Variants in PLA2G4C observed in about 807,000 individuals in gnomAD.
The protein encoded by PLA2G4C is cytosolic phospholipase A2 gamma.
In PLA2G4C, 64 loss-of-function variants were observed where a neutral mutation model predicts 73.8. That is an observed-to-expected ratio of 0.87 (90% confidence interval 0.71 to 1.07). PLA2G4C has a LOEUF of 1.07. Ranked by LOEUF, PLA2G4C falls within the 50% of genes least tolerant of loss-of-function variation. The pLI, the probability that PLA2G4C is intolerant of heterozygous loss-of-function variation, is 0.00. For synonymous variants in PLA2G4C, 254 were observed against 252.1 expected (o/e 1.01, Z -0.07); for missense variants, 622 against 665.4 (o/e 0.93, Z 0.72).
At chr19:48,059,037 C>T (rs1463103889) in intron 14 of PLA2G4C, among the ~76,000 whole-genome samples, 2 of 151,890 alleles carry the variant, frequency 1.3e-5, no homozygotes, top group Admixed American at 6.6e-5. Context: ...CTTTGGGAGG[C>T]CGAGGCGGGC....
Position 48,052,992 on chromosome 19 carries a change from C to T in PLA2G4C, c.1580+5G>A, listed in dbSNP as rs367872005. 2.7e-5 allele frequency: 43 copies of T among 1,604,804 alleles called. No individual in the cohort carries two copies. The African/African-American group carries it at 5.6e-4, about 21-fold the overall frequency. On this transcript the variant is annotated splice_donor_5th_base_variant and intron_variant, in intron 16 of 16. Coordinates refer to ENST00000599921, the MANE Select transcript of PLA2G4C (RefSeq NM_003706.3). ...GCATCAGAGCGACTATGGTCTCCCA[C>T]CTACCCGGCCACGTTCATCAACTCT...
Position 48,102,916 on chromosome 19 carries a change from C to T in PLA2G4C, c.257+1672G>A, listed in dbSNP as rs368254733. Among the ~76,000 whole-genome samples the T allele has an allele frequency of 4.6e-5, 7 of 152,340 alleles. No homozygotes were observed. The East Asian group carries it at 7.7e-4, about 17-fold the overall frequency. On this transcript the variant is annotated intron_variant, in intron 4 of 16. Coordinates refer to ENST00000599921, the MANE Select transcript of PLA2G4C (RefSeq NM_003706.3). ...ACACACATCCTTTCCCAGTCTTCAT[C>T]GTCCACACTTACAATGCTCAACAGC... is the stretch of plus-strand genomic sequence containing the variant.
intron 11 of PLA2G4C, among the ~76,000 whole-genome samples, chr19:48,076,318 C>A (rs1014573220): frequency 2.0e-5 from 3 of 152,190 alleles, no homozygotes; most frequent in African/African-American, 7.2e-5. Flanking sequence ...TGATCCTGGC[C>A]AACAGGAGGT....
chr19:48,109,798 C>CT (rs1371289210), intron 1 of PLA2G4C, among the ~76,000 whole-genome samples: 4 of 151,970 alleles, frequency 2.6e-5, no homozygotes, highest in African/African-American at 4.8e-5. Flanking sequence ...TACAGGCGCC[C>CT]GCCACCACGC....
At position 48,110,485 on chromosome 19, in the gene PLA2G4C, GCCT is replaced by G. The variant is rs1271617982; in HGVS notation, c.-34_-33+1del. 23 of 1,475,348 alleles carry G rather than the reference GCCT, an allele frequency of 1.6e-5. No individual in the cohort carries two copies. Among genetic ancestry groups the G allele is most frequent in the Non-Finnish European group, 2.0e-5 (23 of 1,128,210 alleles). 91.4% of individuals were successfully genotyped at this position (1,475,348 alleles called of 1,614,324 possible). ...ACAGCCCTCCCTGCCCCCACGGCTT[GCCT>G]GAGCCTGGGTCTGGGGCGTGTGCGC... On this transcript the variant is annotated splice_donor_variant and 5_prime_UTR_variant, in exon 1 of 17. Coordinates refer to ENST00000599921, the MANE Select transcript of PLA2G4C (RefSeq NM_003706.3). LOFTEE classifies it low-confidence loss of function (5UTR_SPLICE).
At chr19:48,104,458 A>G in intron 4 of PLA2G4C, 130 bp downstream of exon 4, 1 of 836,788 alleles carries the variant, frequency 1.2e-6, no homozygotes, top group Non-Finnish European at 1.9e-6. Flanking sequence ...TCAGAATTGT[A>G]GGACACCCAG....
At chr19:48,084,356 G>A (rs1254899819) in intron 10 of PLA2G4C, among the ~76,000 whole-genome samples, 1 of 143,936 alleles carries the variant, frequency 6.9e-6, no homozygotes, top group African/African-American at 2.9e-5. Flanking sequence ...CACTGCGCCG[G>A]GCCAGGCTGC....
chr19:48,106,497 A>G, intron 2 of PLA2G4C, 25 bp downstream of exon 2: 1 of 1,569,498 alleles, frequency 6.4e-7, no homozygotes, highest in Non-Finnish European at 8.8e-7. Context: ...GCTTCCCCAT[A>G]GTGGTCAGCT....
At chr19:48,096,720 G>A (rs1285759128) in intron 6 of PLA2G4C, 1 of 152,252 alleles carries the variant, frequency 6.6e-6, no homozygotes, top group Non-Finnish European at 1.5e-5. Flanking sequence ...TGCTGAACAA[G>A]TGAGTGCATT....
intron 13 of PLA2G4C, among the ~76,000 whole-genome samples, chr19:48,066,416 G>A (rs1249665272): frequency 6.6e-6 from 1 of 152,038 alleles, no homozygotes; most frequent in Non-Finnish European, 1.5e-5. Context: ...GGTGTATTCC[G>A]AGGCCATAAG....
At chr19:48,080,546 C>T (rs896023073) in intron 10 of PLA2G4C, among the ~76,000 whole-genome samples, 7 of 152,074 alleles carry the variant, frequency 4.6e-5, no homozygotes, top group Non-Finnish European at 8.8e-5. Context: ...CAGTGGCTCA[C>T]GCCTGTAATC....
At chr19:48,081,470 C>T (rs2122580251) in intron 10 of PLA2G4C, among the ~76,000 whole-genome samples, 1 of 151,744 alleles carries the variant, frequency 6.6e-6, no homozygotes, top group South Asian at 2.1e-4. Context: ...AAAAACTACA[C>T]ATTGGGGCCA....
intron 7 of PLA2G4C, among the ~76,000 whole-genome samples, chr19:48,091,476 C>T (rs1410147427): frequency 4.6e-5 from 7 of 152,110 alleles, no homozygotes; most frequent in Admixed American, 1.3e-4. Context: ...CTGTGAGTCA[C>T]GGTGCTCAGT....
chr19:48,070,854 G>T (rs1244349999), intron 12 of PLA2G4C, among the ~76,000 whole-genome samples: 1 of 152,030 alleles, frequency 6.6e-6, no homozygotes, highest in Admixed American at 6.6e-5. Flanking sequence ...CGTTTACCTG[G>T]GTAACAAACC....
rs1413908286 is a variant in PLA2G4C at position 48,110,647 on chromosome 19, G to C, written c.-193C>G. The C allele has an allele frequency of 3.9e-6, 2 of 516,446 alleles. No individual in the cohort carries two copies. The highest frequency in any genetic ancestry group is 5.5e-6 in the Non-Finnish European group (2 of 363,440). The allele number at this position is 516,446 out of a possible 1,614,324, so 32.0% of individuals were successfully genotyped here. On this transcript the variant is annotated 5_prime_UTR_variant, in exon 1 of 17. Transcript: ENST00000599921. Reference sequence around the variant, plus strand: ...GACTGCGGGGATCCTCGGTGCCAAAGCTTCTGTGGTCCTCCTGCTTTCCTT... The same window carrying C: ...GACTGCGGGGATCCTCGGTGCCAAACCTTCTGTGGTCCTCCTGCTTTCCTT...
intron 10 of PLA2G4C, among the ~76,000 whole-genome samples, chr19:48,082,359 CAT>C (rs1363836614): frequency 2.6e-5 from 4 of 152,136 alleles, no homozygotes; most frequent in African/African-American, 4.8e-5. Flanking sequence ...AATTTTTCCA[CAT>C]GTGCTGAAAA....
chr19:48,065,266 T>C (rs1431331709), intron 13 of PLA2G4C, among the ~76,000 whole-genome samples: 1 of 34,634 alleles, frequency 2.9e-5, no homozygotes, highest in South Asian at 9.3e-4. Context: ...AGGTGAGGGG[T>C]GAGGAGGGGT....
chr19:48,076,012 G>T (rs961749162), intron 11 of PLA2G4C, among the ~76,000 whole-genome samples: 6 of 152,224 alleles, frequency 3.9e-5, no homozygotes, highest in African/African-American at 1.4e-4. Context: ...CCAGAAGAGG[G>T]TTCCCCAGAA....
At chr19:48,071,572 A>C (rs11672262) in intron 12 of PLA2G4C, among the ~76,000 whole-genome samples, 69,766 of 151,240 alleles carry the variant, frequency 0.46, 16,178 homozygotes, top group South Asian at 0.48. Context: ...GCTGGGATTA[A>C]AGCCATGAGC....
Sources: allele counts gnomAD v4.1 joint callset (sites outside exome capture counted in the v4.1 genomes callset), GRCh38; gene constraint gnomAD v4.1.1; transcripts MANE v1.5; gene names NCBI Gene and HGNC (gene_info 2026-07-23, HGNC 2026-07-21).